Variants in FAP observed in about 807,000 individuals in gnomAD.
FAP encodes the protein fibroblast activation protein alpha.
Under a neutral mutation model 126.5 loss-of-function variants are expected in FAP, and 110 were observed. The ratio of observed to expected loss-of-function variants is 0.87; its 90% CI spans 0.74 to 1.02. The LOEUF is 1.02. FAP is among the 50% of genes least tolerant of loss of function. The pLI, the probability that FAP is intolerant of heterozygous loss-of-function variation, is 0.00. For synonymous variants in FAP, 334 were observed against 297.3 expected (o/e 1.12, Z -1.27); for missense variants, 919 against 909.2 (o/e 1.01, Z -0.14).
chr2:162,216,106 A>T (rs1195626197), intron 9 of FAP, 105 bp from the exon 10 acceptor site: 2 of 751,578 alleles, frequency 2.7e-6, no homozygotes, highest in Admixed American at 2.4e-5. Flanking sequence ...GAACAATCTT[A>T]TGTATATCAC....
intron 2 of FAP, among the ~76,000 whole-genome samples, chr2:162,230,407 G>A (rs1201818464): frequency 6.6e-6 from 1 of 151,382 alleles, no homozygotes; most frequent in Non-Finnish European, 1.5e-5. Flanking sequence ...GCAAAGAATT[G>A]TATAAGACAT....
In FAP at chr2:162,211,397, T is replaced by C. The variant is rs372453382; in HGVS notation, c.1003-1401A>G. Among the ~76,000 whole-genome samples the C allele has an allele frequency of 2.0e-4, 31 of 152,302 alleles. 1 individual carries two copies. Among genetic ancestry groups the C allele is most frequent in the African/African-American group, 7.0e-4 (29 of 41,580 alleles). On this transcript the variant is annotated intron_variant, in intron 11 of 25. Coordinates refer to ENST00000188790, the MANE Select transcript of FAP (RefSeq NM_004460.5). The stretch of plus-strand genomic sequence containing the variant: ...TCTACTGTATTAACCCACTGAATTA[T>C]TGGAGGTTTTTATGTTGTTGTTATA...
chr2:162,178,176 G>A (rs1334940495), intron 21 of FAP, among the ~76,000 whole-genome samples: 1 of 152,202 alleles, frequency 6.6e-6, no homozygotes, highest in Admixed American at 6.5e-5. Flanking sequence ...CACTGGGAGA[G>A]AAAGGAACTA....
At chr2:162,236,356 A>C (rs2106302786) in intron 2 of FAP, among the ~76,000 whole-genome samples, 1 of 152,138 alleles carries the variant, frequency 6.6e-6, no homozygotes, top group African/African-American at 2.4e-5. Context: ...TTTTTTGAAA[A>C]CGTTTGTGAA....
chr2:162,213,102 G>T (rs1167618455), intron 11 of FAP, among the ~76,000 whole-genome samples: 1 of 152,036 alleles, frequency 6.6e-6, no homozygotes, highest in African/African-American at 2.4e-5. Context: ...TTTGGGCTGG[G>T]TGCAGTGGCT....
chr2:162,211,913 G>A (rs1255948033), intron 11 of FAP, among the ~76,000 whole-genome samples: 3 of 150,910 alleles, frequency 2.0e-5, no homozygotes, highest in Non-Finnish European at 4.4e-5. Flanking sequence ...AAGTGTGTGC[G>A]CACACACACA....
At chr2:162,233,436 G>A (rs1015588981) in intron 2 of FAP, among the ~76,000 whole-genome samples, 1 of 152,060 alleles carries the variant, frequency 6.6e-6, no homozygotes, top group African/African-American at 2.4e-5. Flanking sequence ...TTCATTCCTG[G>A]TATTTTGTTG....
chr2:162,181,266 A>G (rs542892638), intron 21 of FAP, among the ~76,000 whole-genome samples: 1 of 152,184 alleles, frequency 6.6e-6, no homozygotes, highest in African/African-American at 2.4e-5. Context: ...AACAGAGAGC[A>G]ATTCTGTCTC....
intron 2 of FAP, among the ~76,000 whole-genome samples, chr2:162,228,715 G>A (rs1329647969): frequency 6.6e-6 from 1 of 152,038 alleles, no homozygotes; most frequent in Non-Finnish European, 1.5e-5. Flanking sequence ...TTAATGAAAT[G>A]GTATTATGTA....
At chr2:162,208,744 A>G (rs944179838) in intron 12 of FAP, among the ~76,000 whole-genome samples, 2 of 151,932 alleles carry the variant, frequency 1.3e-5, no homozygotes, top group Admixed American at 1.3e-4. Flanking sequence ...TTTAGAGAAT[A>G]CTTTTCTTTC....
At position 162,191,514 on chromosome 2, in the gene FAP, C is replaced by T. The variant is rs528357397; in HGVS notation, c.1451-1760G>A. On this transcript the variant is annotated intron_variant, in intron 17 of 25. Transcript: ENST00000188790. ...ACACATTTTACTTTCTTTCTCCCAT[C>T]ACCGTATACTCAGTACCAAGCACAC... Among the ~76,000 whole-genome samples the T allele has an allele frequency of 6.6e-5, 10 of 152,172 alleles. No individual in the cohort carries two copies. In the South Asian group the frequency reaches 2.1e-3, roughly 32 times the overall value.
intron 16 of FAP, chr2:162,198,269 T>A: frequency 3.1e-6 from 4 of 1,289,986 alleles, no homozygotes; most frequent in Non-Finnish European, 4.0e-6. Flanking sequence ...GACGTGGGCA[T>A]CTCGGGTTTC....
intron 14 of FAP, among the ~76,000 whole-genome samples, chr2:162,200,886 A>G (rs903670347): frequency 1.8e-4 from 27 of 152,304 alleles, no homozygotes; most frequent in African/African-American, 5.8e-4. Context: ...AAAATCAACT[A>G]GGAAATTTTA....
At chr2:162,197,690 A>G (rs1205055258) in intron 16 of FAP, 1 of 455,984 alleles carries the variant, frequency 2.2e-6, no homozygotes, top group Non-Finnish European at 4.4e-6. Context: ...GTGGCATGTT[A>G]GGGTAGCCTT....
chr2:162,188,029 T>C (rs1011630829), intron 20 of FAP, 140 bp downstream of exon 20: 2 of 648,554 alleles, frequency 3.1e-6, no homozygotes, highest in East Asian at 2.6e-5. Flanking sequence ...CAGAAATACC[T>C]CTTTAAGATT....
At chr2:162,202,843 T>G in intron 14 of FAP, 29 bp downstream of exon 14, 3 of 1,566,438 alleles carry the variant, frequency 1.9e-6, no homozygotes, top group Non-Finnish European at 2.6e-6. Flanking sequence ...AAAACCTGAA[T>G]GGTGCATCGT....
chr2:162,183,555 T>C, intron 20 of FAP, 87 bp from the exon 21 acceptor site: 1 of 779,328 alleles, frequency 1.3e-6, no homozygotes, highest in Middle Eastern at 3.4e-4. Context: ...ATCCAAAGAT[T>C]TAATAGAAAC....
chr2:162,211,601 C>T (rs1383521015), intron 11 of FAP, among the ~76,000 whole-genome samples: 2 of 152,114 alleles, frequency 1.3e-5, no homozygotes, highest in African/African-American at 4.8e-5. Flanking sequence ...TGGATTTTCT[C>T]TTACAGGGAT....
intron 2 of FAP, among the ~76,000 whole-genome samples, chr2:162,233,766 T>C (rs1689993838): frequency 6.6e-6 from 1 of 152,186 alleles, no homozygotes; most frequent in Non-Finnish European, 1.5e-5. Context: ...CTTGCATTTT[T>C]GGTCATATCT....
Sources: gnomAD v4.1 joint callset for allele counts (sites outside exome capture counted in the v4.1 genomes callset) on GRCh38, gnomAD v4.1.1 for gene constraint, MANE v1.5 for transcripts, NCBI Gene and HGNC (gene_info 2026-07-23, HGNC 2026-07-21) for gene names.